Variants in CARMIL1 observed in about 807,000 individuals in gnomAD.
The protein encoded by CARMIL1 is F-actin-uncapping protein LRRC16A.
Under a neutral mutation model 177.1 loss-of-function variants are expected in CARMIL1, and 90 were observed. The ratio of observed to expected loss-of-function variants is 0.51; its 90% CI spans 0.43 to 0.61. The LOEUF (loss-of-function observed/expected upper bound fraction) is 0.61, where lower values mean the gene tolerates loss of function less well. CARMIL1 is among the 20% of genes least tolerant of loss of function. The pLI, the probability that CARMIL1 is intolerant of heterozygous loss-of-function variation, is 0.00. For missense variants in CARMIL1, 1,380 were observed against 1,667.0 expected, an observed-to-expected ratio of 0.83 and a Z score of 3.00; for synonymous variants, 577 against 606.2, an observed-to-expected ratio of 0.95 and a Z score of 0.71.
intron 8 of CARMIL1, chr6:25,452,626 A>G (rs1315612303): frequency 1.3e-5 from 2 of 154,410 alleles, no homozygotes; most frequent in Non-Finnish European, 2.9e-5. Context: ...GAAAAAGTAA[A>G]TATATTTTCC....
In CARMIL1 at chr6:25,619,763, T is replaced by G. The variant is rs6917045; in HGVS notation, c.*180T>G. On this transcript the variant is annotated 3_prime_UTR_variant, in exon 37 of 37. Coordinates refer to ENST00000329474, the MANE Select transcript of CARMIL1 (RefSeq NM_017640.6). ...TTTTTTTTTTTTTTTTTTTTTTTTG[T>G]ATAGAAACAGATCCATTTCTTGGTA... The G allele has an allele frequency of 3.1e-5, 11 of 359,554 alleles. No homozygotes were observed. The highest frequency in any genetic ancestry group is 4.9e-5 in the Non-Finnish European group (11 of 223,254). The allele number at this position is 359,554 out of a possible 1,614,324, so 22.3% of individuals were successfully genotyped here. A position where few individuals can be genotyped will look rare whatever the true frequency, so the allele number is the denominator to read the frequency against.
chr6:25,450,301 TGCCAAA>T, intron 6 of CARMIL1, 32 bp from the exon 7 acceptor site: 1 of 1,433,426 alleles, frequency 7.0e-7, no homozygotes, highest in Admixed American at 1.7e-5. Flanking sequence ...AACATCATTT[TGCCAAA>T]GACCTGTCAG....
intron 2 of CARMIL1, among the ~76,000 whole-genome samples, chr6:25,321,891 C>T (rs1784703447): frequency 6.6e-6 from 1 of 152,066 alleles, no homozygotes; most frequent in Non-Finnish European, 1.5e-5. Flanking sequence ...ATCTCCTGAC[C>T]TCATGATCCG....
rs769702901 is a variant in CARMIL1, at chr6:25,459,266, C to CTTTTT, written c.615-6597_615-6593dup. Reference sequence around the variant, plus strand: ...TCTTTCTTTCTTTCTTTCTTTCTTTCTTTTTTTTTTTTTTAAGACAGGGTC... The same window carrying CTTTTT: ...TCTTTCTTTCTTTCTTTCTTTCTTTCTTTTTTTTTTTTTTTTTTTAAGACAGGGTC... On this transcript the variant is annotated intron_variant, in intron 8 of 36. Transcript: ENST00000329474. Among the ~76,000 whole-genome samples, 33 of 73,746 alleles carry CTTTTT rather than the reference C, an allele frequency of 4.5e-4. 1 individual carries two copies. The highest frequency in any genetic ancestry group is 7.1e-4 in the Non-Finnish European group (24 of 33,880). The allele number at this position is 73,746 out of a possible 152,430, so 48.4% of individuals were successfully genotyped here. A position where few individuals can be genotyped will look rare whatever the true frequency, so the allele number is the denominator to read the frequency against.
intron 7 of CARMIL1, 65 bp downstream of exon 7, chr6:25,450,474 T>A (rs376283953): frequency 7.1e-7 from 1 of 1,406,496 alleles, no homozygotes; most frequent in Non-Finnish European, 9.9e-7. Context: ...AATGTTTGGC[T>A]GGCTTGTTTT....
intron 2 of CARMIL1, among the ~76,000 whole-genome samples, chr6:25,411,874 G>T (rs1052136798): frequency 2.0e-5 from 3 of 152,120 alleles, no homozygotes; most frequent in Non-Finnish European, 4.4e-5. Context: ...AATATTTACC[G>T]GGGGCTTGTC....
chr6:25,393,796 G>A (rs1793113878), intron 2 of CARMIL1, among the ~76,000 whole-genome samples: 1 of 151,522 alleles, frequency 6.6e-6, no homozygotes, highest in Non-Finnish European at 1.5e-5. Context: ...GTTGGAGGCT[G>A]CAGTGAGCTC....
chr6:25,363,768 A>C (rs1789473998), intron 2 of CARMIL1, among the ~76,000 whole-genome samples: 1 of 152,254 alleles, frequency 6.6e-6, no homozygotes, highest in South Asian at 2.1e-4. Flanking sequence ...ATTCATATAT[A>C]GTTGTAAGAA....
intron 2 of CARMIL1, among the ~76,000 whole-genome samples, chr6:25,302,719 T>C (rs9348670): frequency 0.42 from 63,290 of 152,000 alleles, 14,065 homozygotes; most frequent in Middle Eastern, 0.5. Context: ...ATAACAGCGA[T>C]GCTGGGAGGG....
intron 1 of CARMIL1, among the ~76,000 whole-genome samples, chr6:25,282,954 C>A (rs1024807981): frequency 2.6e-5 from 4 of 152,136 alleles, no homozygotes; most frequent in African/African-American, 9.7e-5. Flanking sequence ...CTCCTATGTA[C>A]ATTTATTTGT....
At chr6:25,425,994 G>GA (rs1796248607) in intron 3 of CARMIL1, among the ~76,000 whole-genome samples, 1 of 152,004 alleles carries the variant, frequency 6.6e-6, no homozygotes, top group South Asian at 2.1e-4. Flanking sequence ...AGAAAGAAGG[G>GA]AAAAACAACA....
intron 2 of CARMIL1, among the ~76,000 whole-genome samples, chr6:25,305,842 G>A (rs953017373): frequency 6.6e-6 from 1 of 152,158 alleles, no homozygotes; most frequent in Non-Finnish European, 1.5e-5. Context: ...TGAGGCCTGT[G>A]CCTGTCTCTA....
At chr6:25,601,621 A>G (rs1226091725) in intron 33 of CARMIL1, among the ~76,000 whole-genome samples, 1 of 152,226 alleles carries the variant, frequency 6.6e-6, no homozygotes, top group Non-Finnish European at 1.5e-5. Flanking sequence ...AAGACAAAAG[A>G]AAAAACACTC....
intron 17 of CARMIL1, among the ~76,000 whole-genome samples, chr6:25,502,347 A>G (rs1804471966): frequency 6.6e-6 from 1 of 151,890 alleles, no homozygotes; most frequent in South Asian, 2.1e-4. Flanking sequence ...TTACGAGGTC[A>G]GGAGTTCAAG....
chr6:25,378,050 A>G (rs1378333322), intron 2 of CARMIL1, among the ~76,000 whole-genome samples: 3 of 152,176 alleles, frequency 2.0e-5, no homozygotes, highest in Non-Finnish European at 4.4e-5. Flanking sequence ...CTAGCTCTCC[A>G]TATGTGGGCA....
intron 32 of CARMIL1, among the ~76,000 whole-genome samples, chr6:25,596,712 A>G (rs569527446): frequency 1.3e-5 from 2 of 152,304 alleles, no homozygotes; most frequent in South Asian, 4.1e-4. Flanking sequence ...GCAGTTTTAC[A>G]TCCCTAATCT....
intron 2 of CARMIL1, among the ~76,000 whole-genome samples, chr6:25,403,081 G>GTTT (rs71969807): frequency 1.5e-4 from 21 of 142,976 alleles, no homozygotes; most frequent in East Asian, 1.4e-3. Flanking sequence ...TCCATAAAGA[G>GTTT]TTTTTTTTTT....
chr6:25,407,399 ACGGG>A (rs1794472493), intron 2 of CARMIL1, among the ~76,000 whole-genome samples: 1 of 118,694 alleles, frequency 8.4e-6, no homozygotes, highest in African/African-American at 3.4e-5. Context: ...ACACGAAGGG[ACGGG>A]CATTTATCTC....
intron 12 of CARMIL1, among the ~76,000 whole-genome samples, chr6:25,486,125 G>C (rs1802629304): frequency 6.6e-6 from 1 of 152,156 alleles, no homozygotes; most frequent in African/African-American, 2.4e-5. Context: ...ATAAGTAACA[G>C]AATGGTCAAA....
Sources: allele counts gnomAD v4.1 joint callset (sites outside exome capture counted in the v4.1 genomes callset), GRCh38; gene constraint gnomAD v4.1.1; transcripts MANE v1.5; gene names NCBI Gene and HGNC (gene_info 2026-07-23, HGNC 2026-07-21).